CLMP: variants seen among roughly 807,000 people sequenced by gnomAD.
CLMP encodes CXADR like cell adhesion molecule.
In CLMP, 27 loss-of-function variants were observed where a neutral mutation model predicts 45.2. The observed-to-expected ratio is 0.60, with a 90% CI of 0.44 to 0.82. The LOEUF (loss-of-function observed/expected upper bound fraction) is 0.82. CLMP is among the 40% of genes least tolerant of loss of function. The pLI, the probability that CLMP is intolerant of heterozygous loss-of-function variation, is 0.00. For synonymous variants in CLMP, 167 were observed against 171.4 expected (o/e 0.97, Z 0.20); for missense variants, 403 against 448.4 (o/e 0.90, Z 0.91).
chr11:123,105,823 GTT>G (rs71057331), intron 1 of CLMP, among the ~76,000 whole-genome samples: 14,648 of 136,904 alleles, frequency 0.11, 797 homozygotes, highest in East Asian at 0.17. Context: ...TTTGTTTTTT[GTT>G]TTTTTTTTTT....
chr11:123,188,142 G>A (rs913271757), intron 1 of CLMP, among the ~76,000 whole-genome samples: 7 of 152,190 alleles, frequency 4.6e-5, no homozygotes, highest in Admixed American at 1.3e-4. Flanking sequence ...TAGAAAGGGT[G>A]CCTTTTGTAC....
At chr11:123,160,014 C>T (rs1376351488) in intron 1 of CLMP, among the ~76,000 whole-genome samples, 1 of 152,076 alleles carries the variant, frequency 6.6e-6, no homozygotes, top group Non-Finnish European at 1.5e-5. Flanking sequence ...TGCGGTGGCC[C>T]ACGCCTGCAA....
chr11:123,118,983 T>TCTC (rs1860764843), intron 1 of CLMP, among the ~76,000 whole-genome samples: 2 of 41,926 alleles, frequency 4.8e-5, no homozygotes, highest in Non-Finnish European at 4.3e-5. Context: ...CTTTCTTTCT[T>TCTC]TCTTTCTTTC....
intron 1 of CLMP, among the ~76,000 whole-genome samples, chr11:123,121,023 G>A (rs995864458): frequency 6.6e-6 from 1 of 151,228 alleles, no homozygotes; most frequent in African/African-American, 2.4e-5. Flanking sequence ...AGCTACTTGG[G>A]AGGCTGAGGC....
intron 2 of CLMP, among the ~76,000 whole-genome samples, chr11:123,090,883 T>C (rs1351037014): frequency 6.6e-6 from 1 of 152,158 alleles, no homozygotes; most frequent in Non-Finnish European, 1.5e-5. Flanking sequence ...AGTGTACAAT[T>C]TTCTTAGTGC....
chr11:123,098,584 G>A (rs576491332), intron 1 of CLMP, among the ~76,000 whole-genome samples: 48 of 151,884 alleles, frequency 3.2e-4, no homozygotes, highest in African/African-American at 1.1e-3. Context: ...TGACCAGGCT[G>A]GAGTTCAGTG....
At chr11:123,145,528 T>C (rs957548179) in intron 1 of CLMP, among the ~76,000 whole-genome samples, 1 of 147,132 alleles carries the variant, frequency 6.8e-6, no homozygotes, top group African/African-American at 2.5e-5. Context: ...AGCGGCGCGA[T>C]CTGGACTCAA....
chr11:123,131,336 CAGAAAAAAA>C (rs1383396556), intron 1 of CLMP, among the ~76,000 whole-genome samples: 3 of 150,756 alleles, frequency 2.0e-5, no homozygotes, highest in Non-Finnish European at 3.0e-5. Context: ...GAAAAAAATA[CAGAAAAAAA>C]AGAAAAAATA....
Position 123,074,734 on chromosome 11 carries a change from T to C in CLMP, c.789A>G (p.Arg263=). Residue 263 remains arginine, a synonymous_variant, in exon 6 of 7, where the codon AGA becomes AGG. Transcript: ENST00000448775. ...CATTAGGTCTCTCTTCTTCCTCATA[T>C]CTTTCTTTGTCTTTCCTTCGGATTA... The part of the protein sequence containing the change: ...WLLIRRKDKE[R]YEEEERPNEI... 6.2e-7 allele frequency: 1 copy of C among 1,614,166 alleles called. No homozygotes were observed. Among genetic ancestry groups the C allele is most frequent in the Non-Finnish European group, 8.5e-7 (1 of 1,180,026 alleles).
At position 123,084,463 on chromosome 11, in the gene CLMP, G is replaced by C. The variant is rs1865841143; in HGVS notation, c.388+49C>G. 2.0e-6 allele frequency: 3 copies of C among 1,487,286 alleles called. No homozygotes were observed. In the East Asian group the frequency reaches 6.8e-5, roughly 34 times the overall value. 92.1% of individuals were successfully genotyped at this position (1,487,286 alleles called of 1,614,324 possible). On this transcript the variant is annotated intron_variant, in intron 3 of 6. Coordinates refer to ENST00000448775, the MANE Select transcript of CLMP (RefSeq NM_024769.5). ...GTGATGCATATGGCTATCCCTCTTAGATACCTTAGAAATAAGCTGTAGACA... is the reference window on the plus strand; with the variant it reads ...GTGATGCATATGGCTATCCCTCTTACATACCTTAGAAATAAGCTGTAGACA...
chr11:123,076,028 C>T (rs1865735763), intron 5 of CLMP, among the ~76,000 whole-genome samples: 1 of 152,084 alleles, frequency 6.6e-6, no homozygotes, highest in African/African-American at 2.4e-5. Flanking sequence ...CAAAAGTTAT[C>T]TGGGCATGGT....
intron 2 of CLMP, among the ~76,000 whole-genome samples, chr11:123,087,919 T>G (rs1865884452): frequency 6.6e-6 from 1 of 151,980 alleles, no homozygotes; most frequent in Non-Finnish European, 1.5e-5. Context: ...TTCTTTTTTT[T>G]TTTTCTTTGA....
intron 1 of CLMP, among the ~76,000 whole-genome samples, chr11:123,111,219 A>C (rs1860633394): frequency 6.6e-6 from 1 of 151,944 alleles, no homozygotes; most frequent in African/African-American, 2.4e-5. Flanking sequence ...GGCTCACTGC[A>C]ACTTCTGCCT....
intron 1 of CLMP, among the ~76,000 whole-genome samples, chr11:123,151,438 T>C (rs1451425811): frequency 6.6e-6 from 1 of 152,254 alleles, no homozygotes; most frequent in Non-Finnish European, 1.5e-5. Flanking sequence ...CTGCTATTTA[T>C]GTTCACTCAT....
intron 1 of CLMP, among the ~76,000 whole-genome samples, chr11:123,148,310 G>A (rs995582571): frequency 6.6e-6 from 1 of 152,190 alleles, no homozygotes; most frequent in African/African-American, 2.4e-5. Context: ...TGCTGTCACA[G>A]ATTTGTCTGA....
chr11:123,122,119 C>T (rs912689193), intron 1 of CLMP, among the ~76,000 whole-genome samples: 3 of 152,114 alleles, frequency 2.0e-5, no homozygotes, highest in African/African-American at 2.4e-5. Context: ...CTAAAATATC[C>T]GTAAGTGATT....
chr11:123,111,458 T>G (rs1453185168), intron 1 of CLMP, among the ~76,000 whole-genome samples: 1 of 152,160 alleles, frequency 6.6e-6, no homozygotes, highest in Non-Finnish European at 1.5e-5. Context: ...TTAACATGAC[T>G]TTTCAAGATT....
At chr11:123,124,789 A>G (rs1565389816) in intron 1 of CLMP, among the ~76,000 whole-genome samples, 1 of 152,228 alleles carries the variant, frequency 6.6e-6, no homozygotes, top group Non-Finnish European at 1.5e-5. Flanking sequence ...ATAGCATTCT[A>G]AAATAATTAT....
chr11:123,127,310 C>CG (rs1860909496), intron 1 of CLMP, among the ~76,000 whole-genome samples: 3 of 151,838 alleles, frequency 2.0e-5, no homozygotes, highest in Admixed American at 2.0e-4. Flanking sequence ...TTAGTAGAGA[C>CG]GGGGTTTCAC....
Sources: gnomAD v4.1 joint callset for allele counts (sites outside exome capture counted in the v4.1 genomes callset) on GRCh38, gnomAD v4.1.1 for gene constraint, MANE v1.5 for transcripts, NCBI Gene and HGNC (gene_info 2026-07-23, HGNC 2026-07-21) for gene names.